The following CCDC102B variants were observed in gnomAD, a reference collection of about 807,000 sequenced individuals.
CCDC102B encodes coiled-coil domain containing 102B.
Under a neutral mutation model 57.4 loss-of-function variants are expected in CCDC102B, and 75 were observed. The observed-to-expected ratio is 1.31, with a 90% CI of 1.08 to 1.58. The LOEUF (loss-of-function observed/expected upper bound fraction) is 1.58. Ranked by LOEUF, CCDC102B falls within the 40% of genes most tolerant of loss-of-function variation. The pLI, the probability that CCDC102B is intolerant of heterozygous loss-of-function variation, is 0.00. For missense variants in CCDC102B, 636 were observed against 582.6 expected, an observed-to-expected ratio of 1.09 and a Z score of -0.94; for synonymous variants, 206 against 201.9, an observed-to-expected ratio of 1.02 and a Z score of -0.17.
intron 6 of CCDC102B, among the ~76,000 whole-genome samples, chr18:68,954,942 T>C (rs1224620753): frequency 6.6e-6 from 1 of 152,166 alleles, no homozygotes; most frequent in Non-Finnish European, 1.5e-5. Flanking sequence ...TAATATGCTG[T>C]CTTACAACAA....
chr18:68,731,629 TATATA>T (rs751139219), intron 2 of CCDC102B, among the ~76,000 whole-genome samples: 36 of 151,356 alleles, frequency 2.4e-4, no homozygotes, highest in East Asian at 7.8e-4. Flanking sequence ...TATGTATACA[TATATA>T]ATATAATATA....
At chr18:68,847,155 G>A (rs143595123) in intron 4 of CCDC102B, among the ~76,000 whole-genome samples, 96 of 151,754 alleles carry the variant, frequency 6.3e-4, no homozygotes, top group African/African-American at 2.2e-3. Flanking sequence ...CATTTAGTGG[G>A]TGTGTGTGCA....
intron 7 of CCDC102B, among the ~76,000 whole-genome samples, chr18:69,021,376 A>G (rs910589757): frequency 4.6e-5 from 7 of 152,226 alleles, no homozygotes; most frequent in African/African-American, 1.4e-4. Flanking sequence ...AGAAATCAGA[A>G]AGAAGCCATC....
intron 5 of CCDC102B, among the ~76,000 whole-genome samples, chr18:68,880,707 A>C (rs2144956877): frequency 6.6e-6 from 1 of 152,386 alleles, no homozygotes; most frequent in South Asian, 2.1e-4. Context: ...AAATACTATT[A>C]GAAATTCTCC....
chr18:68,826,222 C>G (rs1271604074), intron 1 of CCDC102B, among the ~76,000 whole-genome samples: 2 of 152,166 alleles, frequency 1.3e-5, no homozygotes, highest in African/African-American at 4.8e-5. Flanking sequence ...CCCTGAGTCT[C>G]TCTCATAGGC....
chr18:68,842,180 A>G (rs543237289), intron 3 of CCDC102B, among the ~76,000 whole-genome samples: 7 of 151,522 alleles, frequency 4.6e-5, no homozygotes, highest in Non-Finnish European at 1.0e-4. Flanking sequence ...TATTTTTTAT[A>G]TATGTATGAA....
chr18:68,956,501 TA>T (rs1568352558), intron 6 of CCDC102B, among the ~76,000 whole-genome samples: 8 of 42,784 alleles, frequency 1.9e-4, no homozygotes, highest in African/African-American at 1.6e-3. Flanking sequence ...ATATAAAATA[TA>T]TAATATATAT....
At chr18:68,729,890 A>C (rs2032780140) in intron 2 of CCDC102B, among the ~76,000 whole-genome samples, 1 of 152,246 alleles carries the variant, frequency 6.6e-6, no homozygotes, top group Non-Finnish European at 1.5e-5. Flanking sequence ...AAAAGTTAAT[A>C]AAACATAAGA....
At chr18:68,819,066 T>G (rs2036597857) in intron 1 of CCDC102B, among the ~76,000 whole-genome samples, 1 of 152,164 alleles carries the variant, frequency 6.6e-6, no homozygotes, top group Admixed American at 6.5e-5. Flanking sequence ...CTTTTCATTC[T>G]GTTGACAATG....
intron 4 of CCDC102B, among the ~76,000 whole-genome samples, chr18:68,847,558 G>A (rs1286558453): frequency 1.3e-5 from 2 of 151,754 alleles, no homozygotes; most frequent in African/African-American, 4.8e-5. Context: ...TTTTTGAGTT[G>A]GTTTAAAAAG....
chr18:68,877,574 A>T (rs773260352), intron 5 of CCDC102B, among the ~76,000 whole-genome samples: 12 of 152,156 alleles, frequency 7.9e-5, no homozygotes, highest in Non-Finnish European at 1.3e-4. Flanking sequence ...ATCAATTGTT[A>T]CTCTCAATGC....
chr18:68,991,542 C>G lies in CCDC102B; in HGVS notation c.1264-19392C>G, dbSNP rs554989529. On this transcript the variant is annotated intron_variant, in intron 6 of 7. Coordinates refer to ENST00000360242, the MANE Select transcript of CCDC102B (RefSeq NM_024781.3). ...GTATGAGTCACTTATCTCACTTTCTCTACCCCATGGGGGCCTGTAAAATAG... is the reference window on the plus strand; with the variant it reads ...GTATGAGTCACTTATCTCACTTTCTGTACCCCATGGGGGCCTGTAAAATAG... Among the ~76,000 whole-genome samples, 12 of 152,316 alleles carry G rather than the reference C, an allele frequency of 7.9e-5. No homozygotes were observed. In the South Asian group the frequency reaches 2.5e-3, roughly 32 times the overall value.
chr18:69,052,494 G>T (rs1467116719), intron 7 of CCDC102B, among the ~76,000 whole-genome samples: 1 of 151,786 alleles, frequency 6.6e-6, no homozygotes, highest in African/African-American at 2.4e-5. Context: ...TCTATCGTCT[G>T]TTATACACAC....
At chr18:69,056,636 A>AATAGATAGATGGATAGATAG (rs199709516), downstream of CCDC102B, among the ~76,000 whole-genome samples, 13 of 121,918 alleles carry the variant, frequency 1.1e-4, no homozygotes, top group Non-Finnish European at 1.9e-4. Context: ...ATAGATAGAT[A>AATAGATAGATGGATAGATAG]ATAGATAGAT....
At position 68,807,968 on chromosome 18, in the gene CCDC102B, T is replaced by A. The variant is rs187592096; in HGVS notation, c.-16+9787T>A. Among the ~76,000 whole-genome samples the A allele has an allele frequency of 9.5e-4, 144 of 152,274 alleles. 1 individual carries two copies. The highest frequency in any genetic ancestry group is 1.7e-3 in the Non-Finnish European group (115 of 68,000). On this transcript the variant is annotated intron_variant, in intron 1 of 7. Coordinates refer to ENST00000360242, the MANE Select transcript of CCDC102B (RefSeq NM_024781.3). ...GAAAATATGAGCAGGGATGAACGTT[T>A]CACTAGGATTTGAGCAACTAATCTT...
chr18:68,848,999 C>A lies in CCDC102B; in HGVS notation c.936+2578C>A, dbSNP rs1413003595. Among the ~76,000 whole-genome samples the A allele has an allele frequency of 3.3e-5, 5 of 152,080 alleles. No individual in the cohort carries two copies. The Middle Eastern group carries it at 0.01, about 310-fold the overall frequency. On this transcript the variant is annotated intron_variant, in intron 4 of 7. Coordinates refer to ENST00000360242, the MANE Select transcript of CCDC102B (RefSeq NM_024781.3). ...GTTCTAATATATTTTCTTAATAAGT[C>A]ATCTTTTTGTGATCATAACAATGTG...
chr18:68,896,602 C>G (rs370018784), intron 5 of CCDC102B, among the ~76,000 whole-genome samples: 46 of 151,622 alleles, frequency 3.0e-4, no homozygotes, highest in Admixed American at 5.9e-4. Context: ...TGTCCCAATA[C>G]GATTTTATTT....
At chr18:68,853,260 A>G (rs1490748608) in intron 4 of CCDC102B, among the ~76,000 whole-genome samples, 4 of 152,186 alleles carry the variant, frequency 2.6e-5, no homozygotes, top group African/African-American at 9.6e-5. Context: ...AAAATTACAT[A>G]AAATATACTT....
chr18:68,982,647 T>C (rs2050622179), intron 6 of CCDC102B, among the ~76,000 whole-genome samples: 1 of 151,892 alleles, frequency 6.6e-6, no homozygotes, highest in Non-Finnish European at 1.5e-5. Flanking sequence ...TAAAACTAGG[T>C]GCTTGTATTT....
Sources: allele counts gnomAD v4.1 joint callset (sites outside exome capture counted in the v4.1 genomes callset), GRCh38; gene constraint gnomAD v4.1.1; transcripts MANE v1.5; gene names NCBI Gene and HGNC (gene_info 2026-07-23, HGNC 2026-07-21).